Variants in COLEC10 observed in about 807,000 individuals in gnomAD.
COLEC10 encodes the protein collectin-10.
COLEC10 carries 22 observed loss-of-function variants against 28.4 expected under a neutral mutation model. The observed-to-expected ratio is 0.78, with a 90% CI of 0.55 to 1.11. COLEC10 has a LOEUF of 1.11. Ranked by LOEUF, COLEC10 falls within the 50% of genes least tolerant of loss-of-function variation. The pLI is 0.00. For missense variants in COLEC10, 361 were observed against 344.1 expected (o/e 1.05, Z -0.39); for synonymous variants, 125 against 116.1 (o/e 1.08, Z -0.49).
At chr8:119,045,075 A>T (rs1041166938) in intron 2 of COLEC10, among the ~76,000 whole-genome samples, 5 of 152,224 alleles carry the variant, frequency 3.3e-5, no homozygotes, top group African/African-American at 1.2e-4. Flanking sequence ...TGTATTACCT[A>T]TTAATCCACT....
In COLEC10 at chr8:119,105,970, T is replaced by C; in HGVS notation, c.613T>C (p.Phe205Leu). 18 of 1,613,880 alleles carry C rather than the reference T, an allele frequency of 1.1e-5. No homozygotes were observed. The highest frequency in any genetic ancestry group is 1.4e-5 in the Non-Finnish European group (17 of 1,179,910). Reference sequence around the variant, plus strand: ...TGACTATGTTGCCAAGAGTGGCTTCTTTCGGGTGTTCATTGGCGTGAATGA... The same window carrying C: ...TGACTATGTTGCCAAGAGTGGCTTCCTTCGGGTGTTCATTGGCGTGAATGA... ...IADYVAKSGF[F>L]RVFIGVNDLE... Residue 205 changes from phenylalanine (F) to leucine (L), a missense_variant, in exon 6 of 6, where the codon TTT (phenylalanine) becomes CTT (leucine). Physicochemically the swap from Phe to Leu is conservative, Grantham distance 22 (BLOSUM62 0). Around this residue, in one of 3 missense-constraint regions of COLEC10, gnomAD observed 335 missense variants for 308.5 expected, o/e 1.09. Transcript: ENST00000332843.
chr8:119,044,608 G>A (rs562077099), intron 2 of COLEC10, among the ~76,000 whole-genome samples: 37 of 152,258 alleles, frequency 2.4e-4, no homozygotes, highest in African/African-American at 8.4e-4. Context: ...ACTTTGGGAG[G>A]CCAGCGGGAG....
rs368862918 is a variant in COLEC10 at position 119,102,315 on chromosome 8, T to A, written c.293-33T>A. On this transcript the variant is annotated intron_variant, in intron 3 of 5. Transcript: ENST00000332843. ...TTCCTTTCTTCTTTTATTTTAATTT[T>A]ATTTTATTTTGGTTGCTATTGTTTT... The A allele has an allele frequency of 3.7e-4, 536 of 1,437,954 alleles. 1 individual carries two copies. The highest frequency in any genetic ancestry group is 4.9e-4 in the Non-Finnish European group (500 of 1,027,248). The allele number at this position is 1,437,954 out of a possible 1,614,324, so 89.1% of individuals were successfully genotyped here. A position where few individuals can be genotyped will look rare whatever the true frequency, so the allele number is the denominator to read the frequency against.
the COLEC10 span, among the ~76,000 whole-genome samples, chr8:118,973,476 G>A: frequency 1.4e-4 from 21 of 151,872 alleles, no homozygotes; most frequent in African/African-American, 4.6e-4. Context: ...GCTGTTGGTC[G>A]GAGGCTACCC....
chr8:119,076,675 T>A (rs1295431304), intron 1 of COLEC10, among the ~76,000 whole-genome samples: 2 of 152,226 alleles, frequency 1.3e-5, no homozygotes, highest in Non-Finnish European at 2.9e-5. Flanking sequence ...GTGCAAGACA[T>A]TGTAGCATTG....
At chr8:119,049,846 G>A (rs1425066011) in intron 2 of COLEC10, among the ~76,000 whole-genome samples, 2 of 152,126 alleles carry the variant, frequency 1.3e-5, no homozygotes, top group African/African-American at 2.4e-5. Context: ...ACTACTGTCT[G>A]TCTCCATTAA....
rs151148307 is a variant in COLEC10, at chr8:119,106,071, A to G, written c.714A>G (p.Glu238=). ...LQNYSNWNEG[E]PSDPYGHEDC... is the part of the protein sequence containing the mutation. ...ACTATAGCAACTGGAATGAGGGGGAACCCAGCGACCCCTATGGTCATGAGG... is the reference window on the plus strand; with the variant it reads ...ACTATAGCAACTGGAATGAGGGGGAGCCCAGCGACCCCTATGGTCATGAGG... Residue 238 remains glutamate (E), a synonymous_variant, in exon 6 of 6, where the codon GAA becomes GAG. Transcript: ENST00000332843. 6.8e-6 allele frequency: 11 copies of G among 1,613,752 alleles called. No homozygotes were observed. The South Asian group carries it at 8.8e-5, about 13-fold the overall frequency.
At chr8:119,101,813 T>A (rs536598774) in intron 3 of COLEC10, among the ~76,000 whole-genome samples, 1 of 152,268 alleles carries the variant, frequency 6.6e-6, no homozygotes, top group East Asian at 1.9e-4. Context: ...TTTGTTTTGT[T>A]TTGTTTTGGA....
At chr8:118,979,439 T>G in the COLEC10 span, among the ~76,000 whole-genome samples, 1 of 152,084 alleles carries the variant, frequency 6.6e-6, no homozygotes, top group South Asian at 2.1e-4. Context: ...TTTGACATTA[T>G]TAAAATACAG....
chr8:119,076,480 C>G (rs1225153961), intron 1 of COLEC10, among the ~76,000 whole-genome samples: 4 of 152,098 alleles, frequency 2.6e-5, no homozygotes, highest in African/African-American at 9.7e-5. Context: ...CCAGGCTGGT[C>G]TTGAACTCCT....
At chr8:119,000,936 G>A (rs757768882) in intron 1 of COLEC10, among the ~76,000 whole-genome samples, 1 of 152,110 alleles carries the variant, frequency 6.6e-6, no homozygotes, top group Non-Finnish European at 1.5e-5. Flanking sequence ...AGGCAGTGAT[G>A]GGACCACAAT....
chr8:119,096,101 A>C (rs1450168048), intron 3 of COLEC10, among the ~76,000 whole-genome samples: 1 of 152,222 alleles, frequency 6.6e-6, no homozygotes, highest in African/African-American at 2.4e-5. Context: ...TGTACCTAAA[A>C]TCAATGGTTT....
chr8:119,033,582 G>T (rs1048339384), intron 2 of COLEC10, among the ~76,000 whole-genome samples: 1 of 151,894 alleles, frequency 6.6e-6, no homozygotes, highest in African/African-American at 2.4e-5. Context: ...GTGGGCCAAG[G>T]TTATTAACAG....
intron 2 of COLEC10, among the ~76,000 whole-genome samples, chr8:119,018,553 C>A (rs1284907296): frequency 6.6e-6 from 1 of 152,186 alleles, no homozygotes; most frequent in African/African-American, 2.4e-5. Flanking sequence ...CCTGCTTTGA[C>A]TTTTGCCAAT....
chr8:119,091,680 AT>A (rs1367917941), intron 3 of COLEC10, among the ~76,000 whole-genome samples: 1 of 152,136 alleles, frequency 6.6e-6, no homozygotes, highest in Non-Finnish European at 1.5e-5. Context: ...TATCATGAAA[AT>A]ATCTCCTTTT....
rs1485889162 is a variant in COLEC10, at chr8:119,090,396, AT to A, written c.220+646del. 2.0e-5 allele frequency among the ~76,000 whole-genome samples: 3 copies of A among 152,176 alleles called. 1 individual carries two copies. The highest frequency in any genetic ancestry group is 4.4e-5 in the Non-Finnish European group (3 of 68,036). ...TGTGTGCACCTTCTGAACACTTGAAATATTTCTTGCCAACTGCTACAAGAGG... is the reference window on the plus strand; with the variant it reads ...TGTGTGCACCTTCTGAACACTTGAAAATTTCTTGCCAACTGCTACAAGAGG... On this transcript the variant is annotated intron_variant, in intron 2 of 5. Transcript: ENST00000332843.
At chr8:119,034,430 A>C (rs1814351123) in intron 2 of COLEC10, among the ~76,000 whole-genome samples, 1 of 150,666 alleles carries the variant, frequency 6.6e-6, no homozygotes, top group African/African-American at 2.5e-5. Context: ...AAAAAAAAAA[A>C]GGCCAGGTGC....
chr8:118,997,502 C>A (rs1298870082), intron 1 of COLEC10, among the ~76,000 whole-genome samples: 1 of 152,144 alleles, frequency 6.6e-6, no homozygotes, highest in Non-Finnish European at 1.5e-5. Flanking sequence ...ACTTAATAAG[C>A]ACTTTAATCC....
At chr8:119,099,730 C>T (rs1055972047) in intron 3 of COLEC10, among the ~76,000 whole-genome samples, 2 of 152,170 alleles carry the variant, frequency 1.3e-5, no homozygotes, top group Non-Finnish European at 1.5e-5. Flanking sequence ...TTATTAAGTT[C>T]TAGCTAAGGG....
Sources: gnomAD v4.1 joint callset for allele counts (sites outside exome capture counted in the v4.1 genomes callset) on GRCh38, gnomAD v4.1.1 for gene constraint, gnomAD v4.1.1 regional missense constraint, MANE v1.5 for transcripts, NCBI Gene and HGNC (gene_info 2026-07-23, HGNC 2026-07-21) for gene names.